The following LRCH3 variants were observed in gnomAD, a reference collection of about 807,000 sequenced individuals.
LRCH3 encodes the protein DISP complex protein LRCH3.
In LRCH3, 68 loss-of-function variants were observed where a neutral mutation model predicts 104.5. The observed-to-expected ratio is 0.65, with a 90% CI of 0.54 to 0.80. The LOEUF is 0.80. Among genes scored for constraint, LRCH3 ranks in the 30% least tolerant of loss-of-function variants. The probability of loss-of-function intolerance (pLI) is 0.00; values close to 1 mark genes in which losing one functional copy is unlikely to be tolerated. For synonymous variants in LRCH3, 344 were observed against 361.3 expected (o/e 0.95, Z 0.54); for missense variants, 951 against 953.9 (o/e 1.00, Z 0.04).
chr3:197,825,611 C>T (rs1411551626), intron 4 of LRCH3, among the ~76,000 whole-genome samples: 1 of 149,978 alleles, frequency 6.7e-6, no homozygotes, highest in African/African-American at 2.4e-5. Flanking sequence ...TCCCGAGTAG[C>T]TGGGACTACA....
intron 10 of LRCH3, among the ~76,000 whole-genome samples, chr3:197,844,124 A>G (rs1022014722): frequency 6.6e-6 from 1 of 152,212 alleles, no homozygotes; most frequent in African/African-American, 2.4e-5. Flanking sequence ...GTTCTGAGGT[A>G]GGAACATGCT....
At chr3:197,882,357 GT>G (rs551549947) in intron 20 of LRCH3, 1 of 985,094 alleles carries the variant, frequency 1.0e-6, no homozygotes, top group South Asian at 4.7e-5. Context: ...AAAGTTGCTA[GT>G]TTTTTTAGAT....
Position 197,817,176 on chromosome 3 carries a change from TCGGAA to T in LRCH3, c.410_414del (p.Arg137ProfsTer11). 1 of 1,592,174 alleles carries T rather than the reference TCGGAA, an allele frequency of 6.3e-7. No individual in the cohort carries two copies. Among genetic ancestry groups the T allele is most frequent in the Non-Finnish European group, 8.5e-7 (1 of 1,170,106 alleles). The stretch of plus-strand genomic sequence containing the variant: ...TCTCTCTTTCTACTTACCCATTTAG[TCGGAA>T]CCAACTGTCAACATTGCCGGTACAC... On this transcript the variant is annotated frameshift_variant and splice_region_variant, in exon 3 of 21. Coordinates refer to ENST00000425562, the MANE Select transcript of LRCH3 (RefSeq NM_001365715.1). LOFTEE classifies it high-confidence loss of function.
intron 4 of LRCH3, among the ~76,000 whole-genome samples, chr3:197,826,352 T>TA (rs775649536): frequency 1.3e-5 from 2 of 152,204 alleles, no homozygotes; most frequent in Non-Finnish European, 2.9e-5. Flanking sequence ...GTCTTAATGT[T>TA]AAGTGTGTAG....
intron 7 of LRCH3, chr3:197,831,322 T>C (rs1735906357): frequency 6.5e-6 from 1 of 153,094 alleles, no homozygotes; most frequent in Non-Finnish European, 1.5e-5. Flanking sequence ...TATTATGTTT[T>C]CTGCTCTTAA....
chr3:197,866,620 C>A (rs979113346), intron 17 of LRCH3, among the ~76,000 whole-genome samples: 2 of 152,022 alleles, frequency 1.3e-5, no homozygotes, highest in Non-Finnish European at 2.9e-5. Flanking sequence ...CTCCCTGGTC[C>A]CCAAAGAAGT....
At chr3:197,862,195 C>G (rs988638991) in intron 15 of LRCH3, among the ~76,000 whole-genome samples, 2 of 152,124 alleles carry the variant, frequency 1.3e-5, no homozygotes, top group African/African-American at 4.8e-5. Context: ...GGGATTTTAC[C>G]GTGTTGGCCA....
chr3:197,861,386 A>C (rs1740864234), intron 15 of LRCH3, among the ~76,000 whole-genome samples: 1 of 152,178 alleles, frequency 6.6e-6, no homozygotes, highest in African/African-American at 2.4e-5. Context: ...GAGAGAAGTT[A>C]ATTTGTTGTA....
At position 197,871,386 on chromosome 3, in the gene LRCH3, G is replaced by A; in HGVS notation, c.2054G>A (p.Gly685Asp). 2 of 1,614,010 alleles carry A rather than the reference G, an allele frequency of 1.2e-6. No individual in the cohort carries two copies. Among genetic ancestry groups the A allele is most frequent in the South Asian group, 2.2e-5 (2 of 91,070 alleles). Residue 685 changes from glycine to aspartate, a missense_variant, in exon 19 of 21, where the codon GGT becomes GAT. Transcript: ENST00000425562. ...PCDLGAALTDGVVLCHLANHV... is the reference protein window; with the variant it reads ...PCDLGAALTDDVVLCHLANHV... ...GATCTCGGAGCAGCTCTAACTGACG[G>A]TGTTGTTCTTTGCCATTTGGCCAAT...
intron 1 of LRCH3, among the ~76,000 whole-genome samples, chr3:197,809,216 C>T (rs948046412): frequency 4.0e-5 from 6 of 150,462 alleles, no homozygotes; most frequent in African/African-American, 1.2e-4. Context: ...GAGGATCTCT[C>T]GAGCCCAAGA....
At chr3:197,880,224 T>A (rs13090172) in intron 20 of LRCH3, among the ~76,000 whole-genome samples, 1 of 151,920 alleles carries the variant, frequency 6.6e-6, no homozygotes, top group African/African-American at 2.4e-5. Context: ...GGATTACAGG[T>A]GTGAGCCACC....
At chr3:197,844,894 A>G (rs1273751149) in intron 10 of LRCH3, among the ~76,000 whole-genome samples, 2 of 152,114 alleles carry the variant, frequency 1.3e-5, no homozygotes, top group Non-Finnish European at 2.9e-5. Flanking sequence ...AAGTGCTGGG[A>G]TTACAGGCGG....
chr3:197,823,502 T>C (rs1282785621), intron 4 of LRCH3: 1 of 152,284 alleles, frequency 6.6e-6, no homozygotes, highest in South Asian at 2.1e-4. Context: ...ACTCTTTTTT[T>C]TTTTGAGATA....
chr3:197,880,095 G>T (rs1030391639), intron 20 of LRCH3, among the ~76,000 whole-genome samples: 1 of 150,990 alleles, frequency 6.6e-6, no homozygotes, highest in African/African-American at 2.5e-5. Context: ...ACAGGCGCCC[G>T]CCACCACGCC....
intron 10 of LRCH3, among the ~76,000 whole-genome samples, chr3:197,842,589 T>C (rs1296774744): frequency 6.6e-6 from 1 of 152,102 alleles, no homozygotes; most frequent in African/African-American, 2.4e-5. Context: ...TCTTTTCCCC[T>C]ACCCTCATCC....
intron 3 of LRCH3, among the ~76,000 whole-genome samples, chr3:197,818,721 C>T (rs1734134451): frequency 6.6e-6 from 1 of 152,202 alleles, no homozygotes; most frequent in African/African-American, 2.4e-5. Context: ...TCTACTTATT[C>T]AATCCTAAAT....
At chr3:197,819,564 A>C (rs1734250845) in intron 3 of LRCH3, among the ~76,000 whole-genome samples, 1 of 151,748 alleles carries the variant, frequency 6.6e-6, no homozygotes, top group South Asian at 2.1e-4. Context: ...AAAAATACAA[A>C]AATTAGCTGG....
At chr3:197,880,710 CGCTGAAA>C in intron 20 of LRCH3, 1 of 1,536,716 alleles carries the variant, frequency 6.5e-7, no homozygotes, top group Non-Finnish European at 8.7e-7. Context: ...CTTCCCCGCT[CGCTGAAA>C]GATTGCACTC....
At chr3:197,795,013 A>C (rs769663389) in intron 1 of LRCH3, among the ~76,000 whole-genome samples, 1 of 152,066 alleles carries the variant, frequency 6.6e-6, no homozygotes, top group East Asian at 1.9e-4. Flanking sequence ...TAAAAAAAAA[A>C]GAAAAAAAAA....
Sources: allele counts gnomAD v4.1 joint callset (sites outside exome capture counted in the v4.1 genomes callset), GRCh38; gene constraint gnomAD v4.1.1; transcripts MANE v1.5; gene names NCBI Gene and HGNC (gene_info 2026-07-23, HGNC 2026-07-21).